Variants in RPS6KA1 observed in about 807,000 individuals in gnomAD.
RPS6KA1 encodes ribosomal protein S6 kinase alpha-1.
Under a neutral mutation model 91.3 loss-of-function variants are expected in RPS6KA1, and 48 were observed. That is an observed-to-expected ratio of 0.53 (90% confidence interval 0.42 to 0.67). The LOEUF (loss-of-function observed/expected upper bound fraction) is 0.67. Among genes scored for constraint, RPS6KA1 ranks in the 30% least tolerant of loss-of-function variants. The probability of loss-of-function intolerance (pLI) is 0.00; values close to 1 mark genes in which losing one functional copy is unlikely to be tolerated. For synonymous variants in RPS6KA1, 359 were observed against 384.7 expected (o/e 0.93, Z 0.78); for missense variants, 719 against 960.5 (o/e 0.75, Z 3.32).
At chr1:26,559,063 C>G (rs970743331) in intron 14 of RPS6KA1, 126 bp downstream of exon 14, 1 of 1,172,608 alleles carries the variant, frequency 8.5e-7, no homozygotes, top group Non-Finnish European at 1.2e-6. Context: ...GGGCCTCCAA[C>G]ATAAAACAGG....
chr1:26,547,662 C>T lies in RPS6KA1; in HGVS notation c.307+392C>T, dbSNP rs906609281. The T allele has an allele frequency of 4.3e-6, 1 of 232,320 alleles. No homozygotes were observed. The highest frequency in any genetic ancestry group is 5.0e-5 in the Admixed American group (1 of 20,078). 14.4% of individuals were successfully genotyped at this position (232,320 alleles called of 1,614,324 possible). A position where few individuals can be genotyped will look rare whatever the true frequency, so the allele number is the denominator to read the frequency against. Reference sequence around the variant, plus strand: ...TGAAGAGGCAGGGAGCCCAGGGAGGCAGCTGGGCTAGGCAAGAGAGGGTGA... The same window carrying T: ...TGAAGAGGCAGGGAGCCCAGGGAGGTAGCTGGGCTAGGCAAGAGAGGGTGA... On this transcript the variant is annotated intron_variant, in intron 4 of 21. Transcript: ENST00000374168. This position sits in a 1 kb window ranked among gnomAD's most constrained non-coding sequence, Gnocchi z 4.1.
In RPS6KA1 at chr1:26,554,658, G is replaced by A; in HGVS notation, c.676G>A (p.Val226Met). The A allele has an allele frequency of 6.2e-7, 1 of 1,613,950 alleles. No homozygotes were observed. Among genetic ancestry groups the A allele is most frequent in the Non-Finnish European group, 8.5e-7 (1 of 1,179,848 alleles). The change falls in exon 9 of 22, where the codon GTG becomes ATG. Residue 226 changes from valine to methionine, a missense_variant. Coordinates refer to ENST00000374168, the MANE Select transcript of RPS6KA1 (RefSeq NM_002953.4). The surrounding 1 kb of genome is among the most constrained non-coding windows in gnomAD (Gnocchi z 4.6). ...GAAGGCCTATTCTTTCTGCGGGACA[G>A]TGGAGTACATGGCCCCTGAGGTCGT... The part of the protein sequence containing the change: ...EKKAYSFCGT[V>M]EYMAPEVVNR...
Position 26,574,767 on chromosome 1 carries a change from G to C in RPS6KA1, c.*566G>C, listed in dbSNP as rs914244889. 3.4e-5 allele frequency: 9 copies of C among 262,818 alleles called. No individual in the cohort carries two copies. The highest frequency in any genetic ancestry group is 1.8e-4 in the African/African-American group (8 of 43,910). The allele number at this position is 262,818 out of a possible 1,614,324, so 16.3% of individuals were successfully genotyped here. A position where few individuals can be genotyped will look rare whatever the true frequency, so the allele number is the denominator to read the frequency against. On this transcript the variant is annotated 3_prime_UTR_variant, in exon 22 of 22. Transcript: ENST00000374168. This position sits in a 1 kb window ranked among gnomAD's most constrained non-coding sequence, Gnocchi z 4.3. Reference sequence around the variant, plus strand: ...CTTCCTGCTACAGGAGGGGTCTCATGTCCTGCTGGCTTCCAGCTTCAGGCA... The same window carrying C: ...CTTCCTGCTACAGGAGGGGTCTCATCTCCTGCTGGCTTCCAGCTTCAGGCA...
At chr1:26,550,616 G>C (rs1277520727) in intron 4 of RPS6KA1, among the ~76,000 whole-genome samples, 1 of 152,210 alleles carries the variant, frequency 6.6e-6, no homozygotes, top group African/African-American at 2.4e-5. Flanking sequence ...ACTGTGCCCG[G>C]CCCAAAAGCC....
chr1:26,530,678 G>A (rs1267982100), intron 1 of RPS6KA1: 4 of 1,156,424 alleles, frequency 3.5e-6, no homozygotes, highest in Middle Eastern at 2.5e-4. Context: ...AGGAAGGGCT[G>A]GGCCCTTGGG....
intron 4 of RPS6KA1, among the ~76,000 whole-genome samples, chr1:26,548,548 A>G (rs984810832): frequency 2.3e-4 from 35 of 152,202 alleles, no homozygotes; most frequent in Non-Finnish European, 2.5e-4. Context: ...CTGTAATCCT[A>G]GCACTTTGGA....
At chr1:26,539,084 A>G (rs1369052408) in intron 2 of RPS6KA1, among the ~76,000 whole-genome samples, 1 of 152,192 alleles carries the variant, frequency 6.6e-6, no homozygotes, top group Non-Finnish European at 1.5e-5. Context: ...AGGCGCTATG[A>G]TGGGGCAAGA....
chr1:26,546,318 A>G (rs115096426), intron 2 of RPS6KA1, among the ~76,000 whole-genome samples: 10 of 152,302 alleles, frequency 6.6e-5, no homozygotes, highest in Middle Eastern at 3.4e-3. Flanking sequence ...AAGTTGAGCC[A>G]TGCAGTCTTT....
chr1:26,571,610 G>A lies in RPS6KA1; in HGVS notation c.1752G>A (p.Glu584=), dbSNP rs1032102078. 3 of 1,613,960 alleles carry A rather than the reference G, an allele frequency of 1.9e-6. No individual in the cohort carries two copies. The highest frequency in any genetic ancestry group is 1.3e-5 in the African/African-American group (1 of 75,044). ...PCYTANFVAP[E]VLKRQGYDEG... is the part of the protein sequence containing the mutation. Reference sequence around the variant, plus strand: ...ACACAGCCAACTTTGTGGCGCCTGAGGTGAGTGGCCCAGCCTCCTCAGCTG... The same window carrying A: ...ACACAGCCAACTTTGTGGCGCCTGAAGTGAGTGGCCCAGCCTCCTCAGCTG... Residue 584 remains glutamate, a splice_region_variant and synonymous_variant, in exon 18 of 22, where the codon GAG becomes GAA. Coordinates refer to ENST00000374168, the MANE Select transcript of RPS6KA1 (RefSeq NM_002953.4). The surrounding 1 kb of genome is among the most constrained non-coding windows in gnomAD (Gnocchi z 5.1).
chr1:26,534,243 C>T (rs1484912990), intron 1 of RPS6KA1, among the ~76,000 whole-genome samples: 1 of 152,194 alleles, frequency 6.6e-6, no homozygotes, highest in Non-Finnish European at 1.5e-5. Flanking sequence ...ATAGAACCTG[C>T]TCTGGCCTCC....
chr1:26,572,879 AGGAACTTGCC>A (rs1318237720), intron 20 of RPS6KA1, among the ~76,000 whole-genome samples: 2 of 152,198 alleles, frequency 1.3e-5, no homozygotes, highest in African/African-American at 4.8e-5. Context: ...AGAGAGTTGA[AGGAACTTGCC>A]CAGGGCACTC....
Position 26,558,667 on chromosome 1 carries a change from A to G in RPS6KA1, c.1085-140A>G. 1 of 930,334 alleles carries G rather than the reference A, an allele frequency of 1.1e-6. No individual in the cohort carries two copies. The highest frequency in any genetic ancestry group is 1.7e-6 in the Non-Finnish European group (1 of 603,656). The allele number at this position is 930,334 out of a possible 1,614,324, so 57.6% of individuals were successfully genotyped here. On this transcript the variant is annotated intron_variant, in intron 13 of 21. Transcript: ENST00000374168. This position sits in a 1 kb window ranked among gnomAD's most constrained non-coding sequence, Gnocchi z 4.0. ...ATGAGCAGTTGGGCCAAGGCCTGTG[A>G]TGGACAGGCCCTCTGCAGGCTCCCG...
At chr1:26,537,123 A>G (rs2075912609) in intron 2 of RPS6KA1, among the ~76,000 whole-genome samples, 154 bp downstream of exon 2, 2 of 152,226 alleles carry the variant, frequency 1.3e-5, no homozygotes, top group Admixed American at 1.3e-4. Context: ...CCCTGGGCAT[A>G]GAAATCACTT....
intron 4 of RPS6KA1, among the ~76,000 whole-genome samples, chr1:26,550,200 T>C (rs1401571082): frequency 2.8e-5 from 4 of 141,296 alleles, no homozygotes; most frequent in Non-Finnish European, 4.6e-5. Context: ...TTTTTTTTTT[T>C]TGAGGCAGAG....
rs889675422 is a variant in RPS6KA1, at chr1:26,547,425, G to T, written c.307+155G>T. On this transcript the variant is annotated intron_variant, in intron 4 of 21. Coordinates refer to ENST00000374168, the MANE Select transcript of RPS6KA1 (RefSeq NM_002953.4). The surrounding 1 kb of genome is among the most constrained non-coding windows in gnomAD (Gnocchi z 4.1). ...CAGGCCTATTTCTCAGCTATCCCTCGCCAGCCAATCCTCCTCCCCCTAAGC... is the reference window on the plus strand; with the variant it reads ...CAGGCCTATTTCTCAGCTATCCCTCTCCAGCCAATCCTCCTCCCCCTAAGC... 3.2e-6 allele frequency: 2 copies of T among 630,468 alleles called. No individual in the cohort carries two copies. The highest frequency in any genetic ancestry group is 2.7e-5 in the Admixed American group (1 of 37,110). 39.1% of individuals were successfully genotyped at this position (630,468 alleles called of 1,614,324 possible). A position where few individuals can be genotyped will look rare whatever the true frequency, so the allele number is the denominator to read the frequency against.
rs2076074668 is a variant in RPS6KA1, at chr1:26,553,772, C to T, written c.575+275C>T. The T allele has an allele frequency of 1.9e-5, 5 of 266,246 alleles. No individual in the cohort carries two copies. The South Asian group carries it at 4.2e-4, about 23-fold the overall frequency. 16.5% of individuals were successfully genotyped at this position (266,246 alleles called of 1,614,324 possible). On this transcript the variant is annotated intron_variant, in intron 7 of 21. Coordinates refer to ENST00000374168, the MANE Select transcript of RPS6KA1 (RefSeq NM_002953.4). ...GAGATGCCACCTTTAGAGGTCTTTC[C>T]TTGATAAAGCCCTATAGAATTTTCC...
rs2076050386 is a variant in RPS6KA1, at chr1:26,551,566, A to C, written c.389-78A>C. ...TACACTGTCCCACCGCCTGCCTGGC[A>C]GGCCAAGGGAGCCAGGGCCGGAGAA... is the stretch of plus-strand genomic sequence containing the variant. On this transcript the variant is annotated intron_variant, in intron 5 of 21. Transcript: ENST00000374168. This position sits in a 1 kb window ranked among gnomAD's most constrained non-coding sequence, Gnocchi z 4.5. 2.5e-6 allele frequency: 4 copies of C among 1,592,328 alleles called. No homozygotes were observed. Among genetic ancestry groups the C allele is most frequent in the Non-Finnish European group, 3.4e-6 (4 of 1,160,406 alleles).
intron 14 of RPS6KA1, among the ~76,000 whole-genome samples, chr1:26,559,820 G>A (rs952594586): frequency 2.6e-5 from 4 of 152,116 alleles, no homozygotes; most frequent in Non-Finnish European, 5.9e-5. Context: ...GGCTGGGCAC[G>A]GTGGCTCATG....
At chr1:26,530,720 G>T in intron 1 of RPS6KA1, 2 of 1,275,208 alleles carry the variant, frequency 1.6e-6, no homozygotes, top group Non-Finnish European at 1.0e-6. Flanking sequence ...AGACTCCCCA[G>T]ACAACCCAGC....
Sources: gnomAD v4.1 joint callset for allele counts (sites outside exome capture counted in the v4.1 genomes callset) on GRCh38, gnomAD v4.1.1 for gene constraint, Gnocchi (gnomAD v3.1) non-coding constraint, MANE v1.5 for transcripts, NCBI Gene and HGNC (gene_info 2026-07-23, HGNC 2026-07-21) for gene names.